Variants in PCDHA10 observed in about 807,000 individuals in gnomAD.
PCDHA10 encodes the protein protocadherin alpha-10.
Under a neutral mutation model 61.2 loss-of-function variants are expected in PCDHA10, and 45 were observed. The ratio of observed to expected loss-of-function variants is 0.74; its 90% confidence interval spans 0.58 to 0.94. The LOEUF is 0.94. PCDHA10 is among the 40% of genes least tolerant of loss of function. PCDHA10 has a pLI of 0.00. For missense variants in PCDHA10, 1,278 were observed against 1,236.2 expected, an observed-to-expected ratio of 1.03 and a Z score of -0.51; for synonymous variants, 602 against 548.8, an observed-to-expected ratio of 1.10 and a Z score of -1.35.
chr5:140,875,505 C>T, intron 1 of PCDHA10: 6 of 1,613,560 alleles, frequency 3.7e-6, no homozygotes, highest in Non-Finnish European at 5.1e-6. Context: ...GCCCGGGATC[C>T]CAGCGTCTGC....
At chr5:141,006,033 G>A (rs1162099125) in intron 3 of PCDHA10, among the ~76,000 whole-genome samples, 1 of 151,252 alleles carries the variant, frequency 6.6e-6, no homozygotes, top group Non-Finnish European at 1.5e-5. Context: ...TAGTAAGAGG[G>A]AGATTTGTAG....
chr5:140,969,228 G>C, intron 1 of PCDHA10: 1 of 1,614,176 alleles, frequency 6.2e-7, no homozygotes, highest in Non-Finnish European at 8.5e-7. Flanking sequence ...GGGCCTTCGG[G>C]AGCCCAAGCA....
intron 3 of PCDHA10, among the ~76,000 whole-genome samples, chr5:140,995,258 A>C (rs2097672609): frequency 6.6e-6 from 1 of 152,164 alleles, no homozygotes; most frequent in Non-Finnish European, 1.5e-5. Flanking sequence ...AGGGTACTTG[A>C]ATACAAGCCC....
intron 1 of PCDHA10, among the ~76,000 whole-genome samples, chr5:140,872,884 T>C (rs1057197501): frequency 2.6e-5 from 4 of 152,238 alleles, no homozygotes; most frequent in Non-Finnish European, 4.4e-5. Flanking sequence ...GTTTCATTCA[T>C]CTCACTTTGT....
intron 1 of PCDHA10, chr5:140,884,756 T>A: frequency 7.0e-7 from 1 of 1,427,108 alleles, no homozygotes; most frequent in Admixed American, 3.0e-5. Flanking sequence ...TTTCAAATTA[T>A]TCTTTACTTT....
chr5:140,997,781 C>T (rs1207024588), intron 3 of PCDHA10, among the ~76,000 whole-genome samples: 3 of 151,626 alleles, frequency 2.0e-5, no homozygotes, highest in African/African-American at 7.3e-5. Flanking sequence ...TGTTGTATAC[C>T]TATATTATAA....
intron 1 of PCDHA10, chr5:140,867,112 T>C (rs1446733026): frequency 6.6e-6 from 1 of 152,146 alleles, no homozygotes; most frequent in Non-Finnish European, 1.5e-5. Flanking sequence ...AATTAACATA[T>C]TGTTTTAATT....
chr5:140,870,310 T>G, intron 1 of PCDHA10: 1 of 1,614,122 alleles, frequency 6.2e-7, no homozygotes, highest in South Asian at 1.1e-5. Flanking sequence ...CTTCAAGAAT[T>G]ACTACTCGTT....
intron 1 of PCDHA10, among the ~76,000 whole-genome samples, chr5:140,918,373 C>A (rs1459758959): frequency 6.6e-6 from 1 of 152,056 alleles, no homozygotes; most frequent in Non-Finnish European, 1.5e-5. Context: ...TATTTGGATG[C>A]CTTTTATTTC....
Position 140,857,393 on chromosome 5 carries a change from G to A in PCDHA10, c.1345G>A (p.Asp449Asn), listed in dbSNP as rs146099067. 164 of 1,598,378 alleles carry A rather than the reference G, an allele frequency of 1.0e-4. 11 individuals are homozygous for A. Among genetic ancestry groups the A allele is most frequent in the Non-Finnish European group, 1.3e-4 (157 of 1,167,892 alleles). ...SVSVEVADVNDNAPAFAQSEY... is the reference protein window; with the variant it reads ...SVSVEVADVNNNAPAFAQSEY... ...GTCTGTGGAGGTGGCCGACGTGAAC[G>A]ACAACGCGCCTGCGTTCGCGCAGTC... The change falls in exon 1 of 4, where the codon GAC becomes AAC. Residue 449 changes from aspartate (D) to asparagine (N), a missense_variant. Coordinates refer to ENST00000307360, the MANE Select transcript of PCDHA10 (RefSeq NM_018901.4).
intron 1 of PCDHA10, among the ~76,000 whole-genome samples, chr5:140,970,714 A>C (rs1554232672): frequency 6.6e-6 from 1 of 152,220 alleles, no homozygotes; most frequent in Non-Finnish European, 1.5e-5. Flanking sequence ...CAATGTGTGA[A>C]CAATATTTGT....
chr5:140,872,867 A>G (rs549673745), intron 1 of PCDHA10, among the ~76,000 whole-genome samples: 37 of 152,332 alleles, frequency 2.4e-4, no homozygotes, highest in African/African-American at 8.7e-4. Flanking sequence ...CCTACTGACA[A>G]TTATCAGTTT....
chr5:140,945,829 A>G (rs1472344558), intron 1 of PCDHA10, among the ~76,000 whole-genome samples: 1 of 152,180 alleles, frequency 6.6e-6, no homozygotes, highest in Non-Finnish European at 1.5e-5. Flanking sequence ...ACAAAAGTCA[A>G]CTCAAAATGG....
At position 140,857,337 on chromosome 5, in the gene PCDHA10, G is replaced by T; in HGVS notation, c.1289G>T (p.Gly430Val). ...CTGGTGGTGACCGCGCGGGACGGGG[G>T]CTCGCCTCCGCTGTGGGCCACGGCC... ...YELVVTARDG[G>V]SPPLWATASV... Residue 430 changes from glycine to valine, a missense_variant, in exon 1 of 4, where the codon GGC (glycine) becomes GTC (valine). Physicochemically the swap from Gly to Val is moderately radical, Grantham distance 109. Coordinates refer to ENST00000307360, the MANE Select transcript of PCDHA10 (RefSeq NM_018901.4). The T allele has an allele frequency of 6.3e-7, 1 of 1,598,496 alleles. No homozygotes were observed. Among genetic ancestry groups the T allele is most frequent in the South Asian group, 1.1e-5 (1 of 90,518 alleles).
At chr5:140,927,189 G>T in intron 1 of PCDHA10, 1 of 1,614,150 alleles carries the variant, frequency 6.2e-7, no homozygotes. Flanking sequence ...CCTACGACCT[G>T]GTGCTCGAGG....
chr5:140,882,032 T>C (rs2058914811), intron 1 of PCDHA10: 2 of 623,536 alleles, frequency 3.2e-6, no homozygotes, highest in Non-Finnish European at 5.1e-6. Flanking sequence ...ATGGAAAATA[T>C]GAAGACTGAG....
intron 1 of PCDHA10, among the ~76,000 whole-genome samples, chr5:140,878,943 T>C (rs968532854): frequency 6.6e-6 from 1 of 152,220 alleles, no homozygotes; most frequent in Non-Finnish European, 1.5e-5. Context: ...AATAAATATA[T>C]GGTATTGAAA....
intron 1 of PCDHA10, among the ~76,000 whole-genome samples, chr5:140,947,315 C>CGGTT (rs1443576978): frequency 4.0e-5 from 6 of 151,444 alleles, no homozygotes; most frequent in African/African-American, 1.5e-4. Flanking sequence ...TGTAAAAAGT[C>CGGTT]GGTTGACCAT....
chr5:140,866,864 G>T (rs1217408755), intron 1 of PCDHA10: 1 of 152,050 alleles, frequency 6.6e-6, no homozygotes, highest in African/African-American at 2.4e-5. Context: ...GTATTGAAAT[G>T]ACTTCTTGGT....
Sources: allele counts gnomAD v4.1 joint callset (sites outside exome capture counted in the v4.1 genomes callset), GRCh38; gene constraint gnomAD v4.1.1; transcripts MANE v1.5; gene names NCBI Gene and HGNC (gene_info 2026-07-23, HGNC 2026-07-21).